OR4K17: variants seen among roughly 807,000 people sequenced by gnomAD.
OR4K17 encodes olfactory receptor 4K17.
For missense variants in OR4K17, 480 were observed against 366.3 expected (o/e 1.31, Z -2.53); for synonymous variants, 157 against 132.8 (o/e 1.18, Z -1.25).
In OR4K17 at chr14:20,118,282, C is replaced by T. The variant is rs767296757; in HGVS notation, c.783C>T (p.Pro261=). 13 of 1,613,956 alleles carry T rather than the reference C, an allele frequency of 8.1e-6. No homozygotes were observed. The highest frequency in any genetic ancestry group is 1.0e-5 in the Non-Finnish European group (12 of 1,179,884). ...FGPCIFIYIW[P]FGNHSVDKFL... ...CATGCATCTTTATCTACATTTGGCC[C>T]TTCGGCAACCACTCTGTAGATAAGT... Residue 261 remains proline, a synonymous_variant, in exon 2 of 2, where the codon CCC becomes CCT. Coordinates refer to ENST00000641386, the MANE Select transcript of OR4K17 (RefSeq NM_001004715.5).
Position 20,121,421 on chromosome 14 carries a change from G to C in OR4K17, c.*2983G>C, listed in dbSNP as rs553472653. 6.6e-6 allele frequency: 1 copy of C among 152,222 alleles called. No homozygotes were observed. Among genetic ancestry groups the C allele is most frequent in the African/African-American group, 2.4e-5 (1 of 41,570 alleles). The allele number at this position is 152,222 out of a possible 1,614,324, so 9.4% of individuals were successfully genotyped here. On this transcript the variant is annotated 3_prime_UTR_variant, in exon 2 of 2. Transcript: ENST00000641386. ...GATTGAAATAGTTTTTAAAATTCCA[G>C]AAATTTGTTTAAAAATAAATAACAT... is the stretch of plus-strand genomic sequence containing the variant.
In OR4K17 at chr14:20,118,058, C is replaced by T. The variant is rs747950985; in HGVS notation, c.559C>T (p.Leu187Phe). 1.2e-6 allele frequency: 2 copies of T among 1,614,022 alleles called. No homozygotes were observed. Among genetic ancestry groups the T allele is most frequent in the East Asian group, 2.2e-5 (1 of 44,884 alleles). Reference protein sequence around the residue: ...IFCDLPLVTKLACIDIYFVQV... With the variant: ...IFCDLPLVTKFACIDIYFVQV... ...TTGTGACCTCCCTTTGGTTACTAAG[C>T]TTGCCTGTATAGACATATATTTTGT... The change falls in exon 2 of 2, where the codon CTT becomes TTT. Residue 187 changes from leucine to phenylalanine, a missense_variant. Coordinates refer to ENST00000641386, the MANE Select transcript of OR4K17 (RefSeq NM_001004715.5).
In OR4K17 at chr14:20,121,933, A is replaced by G. The variant is rs557723808; in HGVS notation, c.*3495A>G. ...CAAGTATAACAACTATTTACATTTT[A>G]TTTGATATTATAAGTTATCTAGAGT... On this transcript the variant is annotated 3_prime_UTR_variant, in exon 2 of 2. Coordinates refer to ENST00000641386, the MANE Select transcript of OR4K17 (RefSeq NM_001004715.5). The G allele has an allele frequency of 1.4e-4, 22 of 152,288 alleles. No individual in the cohort carries two copies. Among genetic ancestry groups the G allele is most frequent in the African/African-American group, 5.0e-4 (21 of 41,594 alleles). The allele number at this position is 152,288 out of a possible 1,614,324, so 9.4% of individuals were successfully genotyped here. A position where few individuals can be genotyped will look rare whatever the true frequency, so the allele number is the denominator to read the frequency against.
At chr14:20,111,420 T>A (rs74037239) in intron 1 of OR4K17, among the ~76,000 whole-genome samples, 1 of 151,906 alleles carries the variant, frequency 6.6e-6, no homozygotes, top group African/African-American at 2.4e-5. Flanking sequence ...ACAAGAGTAT[T>A]CATGATTTGG....
At position 20,119,554 on chromosome 14, in the gene OR4K17, G is replaced by C. The variant is rs1018858073; in HGVS notation, c.*1116G>C. ...TTTATGTTCTTCTGTCACGGCTTCA[G>C]CAGGTCCCTCTGTTCGGGGTCCCTG... On this transcript the variant is annotated 3_prime_UTR_variant, in exon 2 of 2. Transcript: ENST00000641386. 4 of 152,492 alleles carry C rather than the reference G, an allele frequency of 2.6e-5. No individual in the cohort carries two copies. Among genetic ancestry groups the C allele is most frequent in the African/African-American group, 9.7e-5 (4 of 41,446 alleles). 9.4% of individuals were successfully genotyped at this position (152,492 alleles called of 1,614,324 possible).
At chr14:20,115,269 T>C (rs1030570308) in intron 1 of OR4K17, among the ~76,000 whole-genome samples, 3 of 152,106 alleles carry the variant, frequency 2.0e-5, no homozygotes, top group Non-Finnish European at 4.4e-5. Flanking sequence ...ATTTCCAGCA[T>C]GAAGTTCTTT....
rs1445742004 is a variant in OR4K17 at position 20,114,362 on chromosome 14, TTGC to T, written c.-32-3105_-32-3103del. Among the ~76,000 whole-genome samples the T allele has an allele frequency of 2.0e-5, 3 of 152,026 alleles. 1 individual carries two copies. Among genetic ancestry groups the T allele is most frequent in the Non-Finnish European group, 4.4e-5 (3 of 67,958 alleles). ...TTCCCAGGAAATTTAGTTTTACATATTGCATTTAGGTTTATGATCCAATTTGGA... is the reference window on the plus strand; with the variant it reads ...TTCCCAGGAAATTTAGTTTTACATATATTTAGGTTTATGATCCAATTTGGA... On this transcript the variant is annotated intron_variant, in intron 1 of 1. Coordinates refer to ENST00000641386, the MANE Select transcript of OR4K17 (RefSeq NM_001004715.5).
Position 20,110,780 on chromosome 14 carries a change from G to T in OR4K17, c.-145G>T, listed in dbSNP as rs1877866574. On this transcript the variant is annotated 5_prime_UTR_variant, in exon 1 of 2. Coordinates refer to ENST00000641386, the MANE Select transcript of OR4K17 (RefSeq NM_001004715.5). ...ACGGTATTAGGAACTCCCCTGATTG[G>T]AGTCTAGATACTTTAGTGACTTGTT... 6.6e-6 allele frequency: 1 copy of T among 151,982 alleles called. No homozygotes were observed. The highest frequency in any genetic ancestry group is 6.6e-5 in the Admixed American group (1 of 15,230). 9.4% of individuals were successfully genotyped at this position (151,982 alleles called of 1,614,324 possible). A position where few individuals can be genotyped will look rare whatever the true frequency, so the allele number is the denominator to read the frequency against.
intron 1 of OR4K17, among the ~76,000 whole-genome samples, chr14:20,114,137 G>C (rs923937948): frequency 6.6e-6 from 1 of 151,712 alleles, no homozygotes; most frequent in Admixed American, 6.6e-5. Context: ...TAAAATATTG[G>C]TACTCTCAGG....
intron 1 of OR4K17, chr14:20,117,260 C>A (rs1050677239): frequency 3.4e-6 from 2 of 589,488 alleles, no homozygotes; most frequent in Non-Finnish European, 5.9e-6. Context: ...TCTGGGAAAC[C>A]AACAGCATCA....
At chr14:20,113,977 A>G (rs1430012037) in intron 1 of OR4K17, among the ~76,000 whole-genome samples, 1 of 152,052 alleles carries the variant, frequency 6.6e-6, no homozygotes, top group African/African-American at 2.4e-5. Flanking sequence ...AAGAAGTACT[A>G]TAGCAAGCAA....
chr14:20,118,383 A>C lies in OR4K17; in HGVS notation c.884A>C (p.Lys295Thr). 4 of 1,608,306 alleles carry C rather than the reference A, an allele frequency of 2.5e-6. No homozygotes were observed. The highest frequency in any genetic ancestry group is 3.4e-6 in the Non-Finnish European group (4 of 1,176,900). ...IIYTLRNKEM[K>T]ISMKKLWRAF... ...TATACTCTGAGAAACAAAGAAATGAAGATATCCATGAAAAAACTCTGGAGA... is the reference window on the plus strand; with the variant it reads ...TATACTCTGAGAAACAAAGAAATGACGATATCCATGAAAAAACTCTGGAGA... The change falls in exon 2 of 2, where the codon AAG (lysine) becomes ACG (threonine). Residue 295 changes from lysine (K) to threonine (T), a missense_variant. Coordinates refer to ENST00000641386, the MANE Select transcript of OR4K17 (RefSeq NM_001004715.5).
Position 20,121,139 on chromosome 14 carries a change from T to C in OR4K17, c.*2701T>C, listed in dbSNP as rs1057461400. ...ACCAGCCTGTGAAGTCTGGAAGAGATGACTGCTCCAACAAATGCACAGAAA... is the reference window on the plus strand; with the variant it reads ...ACCAGCCTGTGAAGTCTGGAAGAGACGACTGCTCCAACAAATGCACAGAAA... On this transcript the variant is annotated 3_prime_UTR_variant, in exon 2 of 2. Coordinates refer to ENST00000641386, the MANE Select transcript of OR4K17 (RefSeq NM_001004715.5). The C allele has an allele frequency of 6.6e-6, 1 of 152,222 alleles. No homozygotes were observed. The highest frequency in any genetic ancestry group is 2.4e-5 in the African/African-American group (1 of 41,446). 9.4% of individuals were successfully genotyped at this position (152,222 alleles called of 1,614,324 possible).
rs1566553146 is a variant in OR4K17, at chr14:20,119,185, T to C, written c.*747T>C. On this transcript the variant is annotated 3_prime_UTR_variant, in exon 2 of 2. Coordinates refer to ENST00000641386, the MANE Select transcript of OR4K17 (RefSeq NM_001004715.5). ...CCAGCTCCCAGGCAGTCAGACCTAA[T>C]GGTTATCTCTCTTGTTCCCTGAACA... 2 of 152,240 alleles carry C rather than the reference T, an allele frequency of 1.3e-5. No homozygotes were observed. Among genetic ancestry groups the C allele is most frequent in the South Asian group, 2.1e-4 (1 of 4,834 alleles). The allele number at this position is 152,240 out of a possible 1,614,324, so 9.4% of individuals were successfully genotyped here. A position where few individuals can be genotyped will look rare whatever the true frequency, so the allele number is the denominator to read the frequency against.
rs1222171748 is a variant in OR4K17, at chr14:20,119,560, C to T, written c.*1122C>T. On this transcript the variant is annotated 3_prime_UTR_variant, in exon 2 of 2. Transcript: ENST00000641386. The stretch of plus-strand genomic sequence containing the variant: ...TTCTTCTGTCACGGCTTCAGCAGGT[C>T]CCTCTGTTCGGGGTCCCTGACTTCC... 1 of 152,498 alleles carries T rather than the reference C, an allele frequency of 6.6e-6. No homozygotes were observed. Among genetic ancestry groups the T allele is most frequent in the East Asian group, 1.9e-4 (1 of 5,192 alleles). 9.4% of individuals were successfully genotyped at this position (152,498 alleles called of 1,614,324 possible).
chr14:20,121,670 A>G lies in OR4K17; in HGVS notation c.*3232A>G, dbSNP rs1878173398. The G allele has an allele frequency of 6.6e-6, 1 of 152,070 alleles. No individual in the cohort carries two copies. The highest frequency in any genetic ancestry group is 1.9e-4 in the East Asian group (1 of 5,192). 9.4% of individuals were successfully genotyped at this position (152,070 alleles called of 1,614,324 possible). ...AAAAATCAAAGCATATGCTGGAGAA[A>G]ATAAACTATGAATAAATGAAGACGA... On this transcript the variant is annotated 3_prime_UTR_variant, in exon 2 of 2. Transcript: ENST00000641386.
Position 20,117,684 on chromosome 14 carries a change from T to C in OR4K17, c.185T>C (p.Leu62Pro). Residue 62 changes from leucine (L) to proline (P), a missense_variant, in exon 2 of 2, where the codon CTC (leucine) becomes CCC (proline). Leu to Pro is a moderately conservative substitution (Grantham distance 98). Coordinates refer to ENST00000641386, the MANE Select transcript of OR4K17 (RefSeq NM_001004715.5). ...TPNLNTPMYF[L>P]LGNLSFVDMT... is the part of the protein sequence containing the mutation. ...AACCTGAATACTCCCATGTATTTTC[T>C]CCTTGGTAATCTCTCTTTTGTAGAT... The C allele has an allele frequency of 6.2e-7, 1 of 1,614,100 alleles. No homozygotes were observed. The highest frequency in any genetic ancestry group is 8.5e-7 in the Non-Finnish European group (1 of 1,179,990).
rs1215043581 is a variant in OR4K17, at chr14:20,118,159, G to A, written c.660G>A (p.Leu220=). The part of the protein sequence containing the change: ...CFIILLISYS[L]ILITIKNHSP... ...TTATTTTGCTTATCTCCTACAGTCTGATCCTCATAACCATTAAGAACCACT... is the reference window on the plus strand; with the variant it reads ...TTATTTTGCTTATCTCCTACAGTCTAATCCTCATAACCATTAAGAACCACT... Residue 220 remains leucine (L), a synonymous_variant, in exon 2 of 2, where the codon CTG becomes CTA. Coordinates refer to ENST00000641386, the MANE Select transcript of OR4K17 (RefSeq NM_001004715.5). 6.2e-7 allele frequency: 1 copy of A among 1,614,112 alleles called. No homozygotes were observed. The highest frequency in any genetic ancestry group is 8.5e-7 in the Non-Finnish European group (1 of 1,180,012).
Position 20,117,883 on chromosome 14 carries a change from G to A in OR4K17, c.384G>A (p.Lys128=). The part of the protein sequence containing the change: ...MAFDRYVAIC[K]PLHYMTIMNK... ...TTGACAGATATGTGGCCATTTGTAA[G>A]CCCCTACACTACATGACCATCATGA... The change falls in exon 2 of 2, where the codon AAG becomes AAA. Residue 128 remains lysine, a synonymous_variant. Transcript: ENST00000641386. The A allele has an allele frequency of 1.2e-6, 2 of 1,613,558 alleles. No homozygotes were observed. Among genetic ancestry groups the A allele is most frequent in the Non-Finnish European group, 1.7e-6 (2 of 1,179,930 alleles).
Sources: allele counts gnomAD v4.1 joint callset (sites outside exome capture counted in the v4.1 genomes callset), GRCh38; gene constraint gnomAD v4.1.1; transcripts MANE v1.5; gene names NCBI Gene and HGNC (gene_info 2026-07-23, HGNC 2026-07-21).